The following MSRB3 variants were observed in gnomAD, a reference collection of about 807,000 sequenced individuals.
MSRB3 encodes methionine-R-sulfoxide reductase B3.
A neutral mutation model predicts 21.0 loss-of-function variants in MSRB3; 13 were observed. The ratio of observed to expected loss-of-function variants is 0.62; its 90% CI spans 0.40 to 0.98. The LOEUF (loss-of-function observed/expected upper bound fraction) is 0.98, where lower values mean the gene tolerates loss of function less well. Among genes scored for constraint, MSRB3 ranks in the 50% least tolerant of loss-of-function variants. The pLI is 0.00. For synonymous variants in MSRB3, 87 were observed against 88.6 expected (o/e 0.98, Z 0.10); for missense variants, 199 against 230.3 (o/e 0.86, Z 0.88).
intron 6 of MSRB3, among the ~76,000 whole-genome samples, chr12:65,455,857 C>T (rs1240164191): frequency 2.6e-5 from 4 of 152,130 alleles, no homozygotes; most frequent in Admixed American, 2.6e-4. Context: ...TCACCTCAAC[C>T]TCCCAAGTAG....
chr12:65,349,589 A>G (rs1876791839), intron 4 of MSRB3, among the ~76,000 whole-genome samples: 1 of 147,244 alleles, frequency 6.8e-6, no homozygotes, highest in Admixed American at 6.6e-5. Context: ...TGACTTTTTA[A>G]TGATTGCCAT....
At chr12:65,434,289 A>G (rs1259351113) in intron 5 of MSRB3, among the ~76,000 whole-genome samples, 1 of 151,394 alleles carries the variant, frequency 6.6e-6, no homozygotes, top group African/African-American at 2.4e-5. Context: ...TTCTGCCCCA[A>G]CTCTGGTGTC....
intron 4 of MSRB3, among the ~76,000 whole-genome samples, chr12:65,334,422 A>T (rs975313502): frequency 7.9e-5 from 12 of 152,232 alleles, no homozygotes; most frequent in Non-Finnish European, 1.8e-4. Flanking sequence ...ACATTTAAAA[A>T]AGAAGAAAGT....
chr12:65,300,146 A>G (rs948096917), intron 1 of MSRB3, among the ~76,000 whole-genome samples: 2 of 152,220 alleles, frequency 1.3e-5, no homozygotes, highest in Non-Finnish European at 2.9e-5. Context: ...GAATGTGCTT[A>G]GTGTCCAATA....
At chr12:65,410,865 A>C (rs572535061) in intron 5 of MSRB3, among the ~76,000 whole-genome samples, 1 of 152,324 alleles carries the variant, frequency 6.6e-6, no homozygotes, top group South Asian at 2.1e-4. Context: ...CAGTGACCAA[A>C]GCAGAAATAA....
intron 2 of MSRB3, among the ~76,000 whole-genome samples, chr12:65,321,989 C>CA: frequency 6.6e-6 from 1 of 151,954 alleles, no homozygotes; most frequent in Non-Finnish European, 1.5e-5. Context: ...ATTCTAGAAC[C>CA]AAAATTAAAG....
chr12:65,441,167 T>A (rs1882360793), intron 5 of MSRB3, among the ~76,000 whole-genome samples: 3 of 151,948 alleles, frequency 2.0e-5, no homozygotes, highest in Admixed American at 2.0e-4. Context: ...TTTTAATGCA[T>A]TTTAAGCTTG....
At chr12:65,308,790 G>C (rs1873808504) in intron 2 of MSRB3, 135 bp downstream of exon 2, 4 of 1,193,910 alleles carry the variant, frequency 3.4e-6, no homozygotes, top group South Asian at 2.6e-5. Flanking sequence ...GACGGAAATT[G>C]GTTATAAATC....
intron 6 of MSRB3, among the ~76,000 whole-genome samples, chr12:65,460,426 G>A (rs1883273234): frequency 6.6e-6 from 1 of 152,226 alleles, no homozygotes; most frequent in Non-Finnish European, 1.5e-5. Context: ...CTGGGAGGAG[G>A]CTCGAATGGC....
intron 5 of MSRB3, among the ~76,000 whole-genome samples, chr12:65,425,328 T>A (rs1320061476): frequency 6.6e-6 from 1 of 152,080 alleles, no homozygotes; most frequent in African/African-American, 2.4e-5. Flanking sequence ...GTCTTTTGAT[T>A]GGAGAAGTTG....
rs964726541 is a variant in MSRB3 at position 65,463,972 on chromosome 12, T to C, written c.*650T>C. The C allele has an allele frequency of 2.6e-5, 4 of 152,448 alleles. No individual in the cohort carries two copies. Among genetic ancestry groups the C allele is most frequent in the African/African-American group, 7.2e-5 (3 of 41,462 alleles). The allele number at this position is 152,448 out of a possible 1,614,324, so 9.4% of individuals were successfully genotyped here. A position where few individuals can be genotyped will look rare whatever the true frequency, so the allele number is the denominator to read the frequency against. On this transcript the variant is annotated 3_prime_UTR_variant, in exon 7 of 7. Coordinates refer to ENST00000308259, the MANE Select transcript of MSRB3 (RefSeq NM_001031679.3). ...ACTGTTAGGCCTTTATTTTATTTTA[T>C]TTTCCATCGAAAGCATTGGAGGCCC...
At chr12:65,382,727 T>G (rs1273691658) in intron 5 of MSRB3, among the ~76,000 whole-genome samples, 18 of 151,966 alleles carry the variant, frequency 1.2e-4, no homozygotes, top group Admixed American at 1.2e-3. Flanking sequence ...AGTAATGTAC[T>G]AATATATTTA....
chr12:65,341,743 A>G (rs919704310), intron 4 of MSRB3, among the ~76,000 whole-genome samples: 3 of 152,010 alleles, frequency 2.0e-5, no homozygotes, highest in South Asian at 2.1e-4. Flanking sequence ...TAACTAAAAT[A>G]TTAGTAAAAG....
intron 5 of MSRB3, among the ~76,000 whole-genome samples, chr12:65,424,332 T>C (rs1454509795): frequency 6.6e-6 from 1 of 152,066 alleles, no homozygotes; most frequent in Non-Finnish European, 1.5e-5. Flanking sequence ...TGATTTTTAT[T>C]ATTTTCTTCT....
At chr12:65,397,994 C>T (rs919882009) in intron 5 of MSRB3, among the ~76,000 whole-genome samples, 7 of 152,094 alleles carry the variant, frequency 4.6e-5, no homozygotes, top group South Asian at 2.1e-4. Flanking sequence ...ACATTTTCTT[C>T]GTTCAGTCTA....
At position 65,458,862 on chromosome 12, in the gene MSRB3, T is replaced by G. The variant is rs1883202179; in HGVS notation, c.391-4293T>G. Among the ~76,000 whole-genome samples the G allele has an allele frequency of 2.6e-5, 4 of 152,344 alleles. No individual in the cohort carries two copies. The South Asian group carries it at 8.3e-4, about 32-fold the overall frequency. The stretch of plus-strand genomic sequence containing the variant: ...TCAACTAGTGATAAAATACATTGCT[T>G]CTATTCCAGTTTCACTGACTACTAT... On this transcript the variant is annotated intron_variant, in intron 6 of 6. Coordinates refer to ENST00000308259, the MANE Select transcript of MSRB3 (RefSeq NM_001031679.3).
At chr12:65,458,246 G>A (rs1265085405) in intron 6 of MSRB3, among the ~76,000 whole-genome samples, 1 of 152,150 alleles carries the variant, frequency 6.6e-6, no homozygotes, top group Non-Finnish European at 1.5e-5. Context: ...TCACTTCAGT[G>A]CTTAGGATCC....
intron 5 of MSRB3, among the ~76,000 whole-genome samples, chr12:65,381,438 G>C (rs1565865077): frequency 6.6e-6 from 1 of 152,102 alleles, no homozygotes; most frequent in Non-Finnish European, 1.5e-5. Flanking sequence ...GCAATGTGTA[G>C]AAAATTTTGC....
At chr12:65,424,154 T>C (rs932853388) in intron 5 of MSRB3, among the ~76,000 whole-genome samples, 1 of 152,152 alleles carries the variant, frequency 6.6e-6, no homozygotes, top group African/African-American at 2.4e-5. Flanking sequence ...TGATCATTTG[T>C]ATTTGAGTGC....
Sources: allele counts gnomAD v4.1 joint callset (sites outside exome capture counted in the v4.1 genomes callset), GRCh38; gene constraint gnomAD v4.1.1; transcripts MANE v1.5; gene names NCBI Gene and HGNC (gene_info 2026-07-23, HGNC 2026-07-21).